Variants in MROH7 observed in about 807,000 individuals in gnomAD.
MROH7 encodes the protein maestro heat like repeat family member 7.
MROH7 carries 113 observed loss-of-function variants against 129.2 expected under a neutral mutation model. The observed-to-expected ratio is 0.87, with a 90% CI of 0.75 to 1.02. The LOEUF is 1.02. MROH7 is among the 50% of genes least tolerant of loss of function. MROH7 has a pLI of 0.00. For missense variants in MROH7, 1,601 were observed against 1,671.3 expected (o/e 0.96, Z 0.73); for synonymous variants, 655 against 667.9 (o/e 0.98, Z 0.30).
intron 18 of MROH7, 105 bp downstream of exon 18, chr1:54,700,566 C>T: frequency 8.9e-7 from 1 of 1,121,284 alleles, no homozygotes; most frequent in Non-Finnish European, 1.3e-6. Flanking sequence ...TGGAATGAGA[C>T]ATCATTTCTA....
At chr1:54,698,135 T>TG (rs557257800) in intron 17 of MROH7, 248 of 164,708 alleles carry the variant, frequency 1.5e-3, no homozygotes, top group Non-Finnish European at 2.7e-3. Flanking sequence ...TCTGCTGTGA[T>TG]GGTGTGTGTG....
intron 10 of MROH7, among the ~76,000 whole-genome samples, chr1:54,674,792 A>G (rs936397057): frequency 5.3e-5 from 8 of 151,982 alleles, no homozygotes; most frequent in African/African-American, 1.5e-4. Flanking sequence ...TTTCTCCATC[A>G]TCCTAGCTCT....
intron 15 of MROH7, among the ~76,000 whole-genome samples, chr1:54,691,803 AGTG>A (rs1389198018): frequency 5.8e-5 from 6 of 104,188 alleles, no homozygotes; most frequent in African/African-American, 2.0e-4. Flanking sequence ...AAAAAAAAAA[AGTG>A]TGTGTGTGTG....
intron 21 of MROH7, among the ~76,000 whole-genome samples, chr1:54,705,106 C>T (rs1045082698): frequency 6.6e-6 from 1 of 152,274 alleles, no homozygotes; most frequent in South Asian, 2.1e-4. Flanking sequence ...CTGAATGTAG[C>T]ATGTTTTAAA....
At chr1:54,695,975 G>T in intron 17 of MROH7, 1 of 267,422 alleles carries the variant, frequency 3.7e-6, no homozygotes, top group Non-Finnish European at 7.3e-6. Flanking sequence ...AGCTGAGTGT[G>T]TGTTGGGGAG....
intron 3 of MROH7, among the ~76,000 whole-genome samples, chr1:54,663,436 G>T (rs930834129): frequency 3.9e-5 from 6 of 151,950 alleles, no homozygotes; most frequent in African/African-American, 1.5e-4. Flanking sequence ...GCAGTGGTGC[G>T]ATCTTGGCTC....
At chr1:54,697,873 TGG>T in intron 17 of MROH7, 3 of 519,562 alleles carry the variant, frequency 5.8e-6, no homozygotes, top group Non-Finnish European at 1.0e-5. Flanking sequence ...CCAGACCTTA[TGG>T]GGCATTCCTG....
intron 3 of MROH7, among the ~76,000 whole-genome samples, chr1:54,659,583 A>AACTC (rs1644701043): frequency 6.6e-6 from 1 of 152,046 alleles, no homozygotes; most frequent in East Asian, 1.9e-4. Flanking sequence ...CCTCCTGAGT[A>AACTC]GCTGGAATTA....
intron 4 of MROH7, chr1:54,665,490 A>G: frequency 2.4e-6 from 1 of 416,960 alleles, no homozygotes; most frequent in Non-Finnish European, 4.3e-6. Flanking sequence ...CTATAACTTC[A>G]GCACCTAGAA....
intron 1 of MROH7, among the ~76,000 whole-genome samples, chr1:54,645,631 T>G (rs1644452887): frequency 6.8e-6 from 1 of 146,914 alleles, no homozygotes; most frequent in East Asian, 2.1e-4. Context: ...CCAATGATAT[T>G]TCTTTTCTTT....
In MROH7 at chr1:54,656,766, G is replaced by A. The variant is rs561755238; in HGVS notation, c.1231+2609G>A. On this transcript the variant is annotated intron_variant, in intron 3 of 23. Transcript: ENST00000421030. ...GCAGAGGTTGCAGTAAGCCAAGATC[G>A]TGCCACTACATTCCAGCCTGGGCGA... Among the ~76,000 whole-genome samples the A allele has an allele frequency of 1.8e-4, 27 of 152,086 alleles. No individual in the cohort carries two copies. The South Asian group carries it at 2.9e-3, about 16-fold the overall frequency.
At chr1:54,684,249 C>T (rs1017426850) in intron 14 of MROH7, among the ~76,000 whole-genome samples, 2 of 152,162 alleles carry the variant, frequency 1.3e-5, no homozygotes, top group African/African-American at 4.8e-5. Context: ...GGAGGATGCT[C>T]CTGCTTAGAG....
intron 3 of MROH7, among the ~76,000 whole-genome samples, chr1:54,660,278 T>C (rs1170951701): frequency 6.6e-6 from 1 of 152,218 alleles, no homozygotes; most frequent in East Asian, 1.9e-4. Flanking sequence ...CTGAACTCTG[T>C]ATGAAGCCTC....
chr1:54,645,298 C>G (rs886304719), intron 1 of MROH7, among the ~76,000 whole-genome samples: 2 of 151,636 alleles, frequency 1.3e-5, no homozygotes, highest in African/African-American at 4.8e-5. Context: ...TTTTCTGAGA[C>G]AGTCTTGCTC....
chr1:54,681,765 T>G (rs149073003), intron 13 of MROH7, among the ~76,000 whole-genome samples: 14 of 152,300 alleles, frequency 9.2e-5, no homozygotes, highest in African/African-American at 3.4e-4. Context: ...CCTGATATTA[T>G]GTGACAAGTG....
At chr1:54,683,501 C>G in intron 14 of MROH7, among the ~76,000 whole-genome samples, 1 of 152,214 alleles carries the variant, frequency 6.6e-6, no homozygotes, top group East Asian at 1.9e-4. Flanking sequence ...CCCTGCCTAC[C>G]TTCCTGATTC....
intron 3 of MROH7, among the ~76,000 whole-genome samples, chr1:54,661,280 A>ATAGC (rs1644728270): frequency 6.8e-6 from 1 of 145,986 alleles, no homozygotes; most frequent in African/African-American, 2.5e-5. Context: ...TGGCACAATC[A>ATAGC]TAGCTCACTG....
intron 1 of MROH7, among the ~76,000 whole-genome samples, chr1:54,647,886 CAG>C (rs1644491348): frequency 1.7e-5 from 2 of 115,270 alleles, no homozygotes; most frequent in Admixed American, 1.2e-4. Context: ...GCCTGTGTGA[CAG>C]AGTGAGACTC....
chr1:54,689,648 G>C (rs1004269378), intron 15 of MROH7, among the ~76,000 whole-genome samples: 3 of 152,218 alleles, frequency 2.0e-5, no homozygotes, highest in Non-Finnish European at 2.9e-5. Flanking sequence ...AGTGGCCTGA[G>C]AGCTTGTCCT....
Sources: gnomAD v4.1 joint callset for allele counts (sites outside exome capture counted in the v4.1 genomes callset) on GRCh38, gnomAD v4.1.1 for gene constraint, MANE v1.5 for transcripts, NCBI Gene and HGNC (gene_info 2026-07-23, HGNC 2026-07-21) for gene names.